RAB15: variants seen among roughly 807,000 people sequenced by gnomAD.
The protein encoded by RAB15 is RAB15, member RAS oncogene family.
Under a neutral mutation model 31.8 loss-of-function variants are expected in RAB15, and 13 were observed. That is an observed-to-expected ratio of 0.41 (90% confidence interval 0.27 to 0.65). RAB15 has a LOEUF of 0.65. RAB15 is among the 30% of genes least tolerant of loss of function. The pLI, the probability that RAB15 is intolerant of heterozygous loss-of-function variation, is 0.32. For missense variants in RAB15, 220 were observed against 277.3 expected (o/e 0.79, Z 1.47); for synonymous variants, 100 against 105.6 (o/e 0.95, Z 0.33).
intron 1 of RAB15, among the ~76,000 whole-genome samples, chr14:64,960,075 G>A (rs1003177651): frequency 9.2e-5 from 14 of 152,176 alleles, no homozygotes; most frequent in African/African-American, 2.9e-4. Context: ...CTGTGACTCT[G>A]TCTGTATGGT....
chr14:64,952,280 C>A lies in RAB15; in HGVS notation c.185+231G>T, dbSNP rs562937669. Among the ~76,000 whole-genome samples, 10 of 152,320 alleles carry A rather than the reference C, an allele frequency of 6.6e-5. No homozygotes were observed. In the South Asian group the frequency reaches 2.1e-3, roughly 32 times the overall value. The stretch of plus-strand genomic sequence containing the variant: ...ATTCACAATGGTTAGTGTGCCAGTT[C>A]CTTCTAATTCCTGCCCTTTGGTGCT... On this transcript the variant is annotated intron_variant, in intron 2 of 6. Transcript: ENST00000533601. This position sits in a 1 kb window ranked among gnomAD's most constrained non-coding sequence, Gnocchi z 4.2.
Position 64,950,792 on chromosome 14 carries a change from T to G in RAB15, c.324+282A>C, listed in dbSNP as rs1290779275. 6.3e-6 allele frequency: 4 copies of G among 635,552 alleles called. No individual in the cohort carries two copies. In the African/African-American group the frequency reaches 7.3e-5, roughly 12 times the overall value. The allele number at this position is 635,552 out of a possible 1,614,324, so 39.4% of individuals were successfully genotyped here. Reference sequence around the variant, plus strand: ...CAGGACTAGATCCCAATCTTGCAACTCCACCTGGTCCCAAGATTTCAGGAA... The same window carrying G: ...CAGGACTAGATCCCAATCTTGCAACGCCACCTGGTCCCAAGATTTCAGGAA... On this transcript the variant is annotated intron_variant, in intron 4 of 6. Coordinates refer to ENST00000533601, the MANE Select transcript of RAB15 (RefSeq NM_001308154.2). The surrounding 1 kb of genome is among the most constrained non-coding windows in gnomAD (Gnocchi z 5.6).
At position 64,954,182 on chromosome 14, in the gene RAB15, T is replaced by C. The variant is rs1487490884; in HGVS notation, c.125-1611A>G. 4.1e-6 allele frequency: 4 copies of C among 985,330 alleles called. No homozygotes were observed. Among genetic ancestry groups the C allele is most frequent in the Non-Finnish European group, 4.8e-6 (4 of 829,952 alleles). 61.0% of individuals were successfully genotyped at this position (985,330 alleles called of 1,614,324 possible). A position where few individuals can be genotyped will look rare whatever the true frequency, so the allele number is the denominator to read the frequency against. ...TGATTCATATCCATTGAGCTGTACT[T>C]TTCCAAATGGGCAATGCCTGGCAGC... On this transcript the variant is annotated intron_variant, in intron 1 of 6. Transcript: ENST00000533601. The surrounding 1 kb of genome is among the most constrained non-coding windows in gnomAD (Gnocchi z 4.3).
At chr14:64,957,252 A>G (rs964405102) in intron 1 of RAB15, among the ~76,000 whole-genome samples, 8 of 152,234 alleles carry the variant, frequency 5.3e-5, no homozygotes, top group Non-Finnish European at 1.0e-4. Flanking sequence ...TCTTAAGTGT[A>G]GAAGGAGAAT....
Position 64,953,787 on chromosome 14 carries a change from C to A in RAB15, c.125-1216G>T. Reference sequence around the variant, plus strand: ...ACGTCTGGTGGGTTAATTAAGCTTACGTCTTTGTGTACTCCCTGGAGCAAG... The same window carrying A: ...ACGTCTGGTGGGTTAATTAAGCTTAAGTCTTTGTGTACTCCCTGGAGCAAG... On this transcript the variant is annotated intron_variant, in intron 1 of 6. Coordinates refer to ENST00000533601, the MANE Select transcript of RAB15 (RefSeq NM_001308154.2). This position sits in a 1 kb window ranked among gnomAD's most constrained non-coding sequence, Gnocchi z 4.6. 1 of 985,248 alleles carries A rather than the reference C, an allele frequency of 1.0e-6. No individual in the cohort carries two copies. Among genetic ancestry groups the A allele is most frequent in the Non-Finnish European group, 1.2e-6 (1 of 829,786 alleles). 61.0% of individuals were successfully genotyped at this position (985,248 alleles called of 1,614,324 possible). A position where few individuals can be genotyped will look rare whatever the true frequency, so the allele number is the denominator to read the frequency against.
Position 64,956,131 on chromosome 14 carries a change from G to A in RAB15, c.125-3560C>T, listed in dbSNP as rs539106815. ...AGAAATGCAAATTCTGGCCGCACGC[G>A]GTGGCTCACACCAGTAATCCCAAGA... On this transcript the variant is annotated intron_variant, in intron 1 of 6. Transcript: ENST00000533601. Among the ~76,000 whole-genome samples the A allele has an allele frequency of 4.6e-4, 70 of 152,188 alleles. 1 individual carries two copies. The highest frequency in any genetic ancestry group is 3.4e-3 in the Middle Eastern group (1 of 294).
At chr14:64,967,516 G>A (rs1038575130) in intron 1 of RAB15, among the ~76,000 whole-genome samples, 7 of 151,878 alleles carry the variant, frequency 4.6e-5, no homozygotes, top group East Asian at 1.9e-4. Context: ...TTAGGAGATC[G>A]AGGCTGCAGT....
chr14:64,950,091 A>G lies in RAB15; in HGVS notation c.414+234T>C, dbSNP rs945287818. Among the ~76,000 whole-genome samples the G allele has an allele frequency of 6.6e-5, 10 of 152,128 alleles. No homozygotes were observed. Among genetic ancestry groups the G allele is most frequent in the African/African-American group, 2.4e-4 (10 of 41,418 alleles). On this transcript the variant is annotated intron_variant, in intron 5 of 6. Transcript: ENST00000533601. The surrounding 1 kb of genome is among the most constrained non-coding windows in gnomAD (Gnocchi z 5.6). ...GCATTTGGGGACCTGGACTTGGGAGAGTTGCTGCCTATGACGTCTTTGTTT... is the reference window on the plus strand; with the variant it reads ...GCATTTGGGGACCTGGACTTGGGAGGGTTGCTGCCTATGACGTCTTTGTTT...
In RAB15 at chr14:64,947,731, CAG is replaced by C. The variant is rs1885994109; in HGVS notation, c.*621_*622del. The C allele has an allele frequency of 6.6e-6, 1 of 152,552 alleles. No homozygotes were observed. Among genetic ancestry groups the C allele is most frequent in the Non-Finnish European group, 1.5e-5 (1 of 68,154 alleles). The allele number at this position is 152,552 out of a possible 1,614,324, so 9.4% of individuals were successfully genotyped here. A position where few individuals can be genotyped will look rare whatever the true frequency, so the allele number is the denominator to read the frequency against. ...AGGCAGGCCCATGGCACATGAGGGA[CAG>C]TGGGGGTGGGGGAAGAGGAAGAAGC... On this transcript the variant is annotated 3_prime_UTR_variant, in exon 7 of 7. Coordinates refer to ENST00000533601, the MANE Select transcript of RAB15 (RefSeq NM_001308154.2). The surrounding 1 kb of genome is among the most constrained non-coding windows in gnomAD (Gnocchi z 5.6).
rs1313254221 is a variant in RAB15 at position 64,971,498 on chromosome 14, GC to G, written c.124+454del. ...CCGTACGTCCTCTCTTCCCCCCCTC[GC>G]CCCCCGCCGGCTCCACCTTGGGTCA... is the stretch of plus-strand genomic sequence containing the variant. On this transcript the variant is annotated intron_variant, in intron 1 of 6. Transcript: ENST00000533601. This position sits in a 1 kb window ranked among gnomAD's most constrained non-coding sequence, Gnocchi z 4.1. Among the ~76,000 whole-genome samples the G allele has an allele frequency of 1.6e-5, 2 of 126,162 alleles. No individual in the cohort carries two copies. Among genetic ancestry groups the G allele is most frequent in the African/African-American group, 3.1e-5 (1 of 32,102 alleles). The allele number at this position is 126,162 out of a possible 152,430, so 82.8% of individuals were successfully genotyped here.
At chr14:64,949,746 A>G (rs1440061461) in intron 5 of RAB15, among the ~76,000 whole-genome samples, 1 of 151,492 alleles carries the variant, frequency 6.6e-6, no homozygotes, top group East Asian at 1.9e-4. Context: ...AAAAGAAAGA[A>G]AGAAAAAAAA....
At position 64,958,001 on chromosome 14, in the gene RAB15, T is replaced by C. The variant is rs1886669638; in HGVS notation, c.125-5430A>G. 6.6e-6 allele frequency: 1 copy of C among 152,368 alleles called. No homozygotes were observed. The highest frequency in any genetic ancestry group is 2.1e-4 in the South Asian group (1 of 4,828). The allele number at this position is 152,368 out of a possible 1,614,324, so 9.4% of individuals were successfully genotyped here. On this transcript the variant is annotated intron_variant, in intron 1 of 6. Transcript: ENST00000533601. The surrounding 1 kb of genome is among the most constrained non-coding windows in gnomAD (Gnocchi z 4.4). ...CTCTGTCGCCCAGGCTGGAGTGCAG[T>C]GGCACGATCTCAGGTCACTGCAACC...
At chr14:64,964,786 G>A (rs544555679) in intron 1 of RAB15, among the ~76,000 whole-genome samples, 48 of 151,898 alleles carry the variant, frequency 3.2e-4, no homozygotes, top group Admixed American at 1.6e-3. Flanking sequence ...TATGTTGGCC[G>A]GGCTGGTCTC....
In RAB15 at chr14:64,958,769, G is replaced by T. The variant is rs1301730785; in HGVS notation, c.125-6198C>A. Among the ~76,000 whole-genome samples, 1 of 152,158 alleles carries T rather than the reference G, an allele frequency of 6.6e-6. No homozygotes were observed. The highest frequency in any genetic ancestry group is 2.4e-5 in the African/African-American group (1 of 41,432). On this transcript the variant is annotated intron_variant, in intron 1 of 6. Transcript: ENST00000533601. The surrounding 1 kb of genome is among the most constrained non-coding windows in gnomAD (Gnocchi z 4.4). ...TCGGAGACGCTGAGAGCCCCAGGAGGAGAAAGTCAGACAGATGGGCCCTCT... is the reference window on the plus strand; with the variant it reads ...TCGGAGACGCTGAGAGCCCCAGGAGTAGAAAGTCAGACAGATGGGCCCTCT...
intron 1 of RAB15, among the ~76,000 whole-genome samples, chr14:64,966,987 T>C (rs1160927985): frequency 6.6e-6 from 1 of 152,112 alleles, no homozygotes; most frequent in African/African-American, 2.4e-5. Context: ...CCAGTGTCTG[T>C]TAGGTCACCC....
Position 64,968,958 on chromosome 14 carries a change from CTCTA to C in RAB15, c.124+2991_124+2994del, listed in dbSNP as rs1402749158. On this transcript the variant is annotated intron_variant, in intron 1 of 6. Coordinates refer to ENST00000533601, the MANE Select transcript of RAB15 (RefSeq NM_001308154.2). The surrounding 1 kb of genome is among the most constrained non-coding windows in gnomAD (Gnocchi z 4.9). ...TCTCACTGCTCCCTGGCGGGTTCTT[CTCTA>C]GAAGATCGCAGGCCGTTAAAGTGGA... Among the ~76,000 whole-genome samples the C allele has an allele frequency of 5.3e-5, 8 of 152,218 alleles. No individual in the cohort carries two copies. Among genetic ancestry groups the C allele is most frequent in the Admixed American group, 3.9e-4 (6 of 15,286 alleles).
intron 1 of RAB15, among the ~76,000 whole-genome samples, chr14:64,960,553 G>T (rs1333360420): frequency 6.6e-6 from 1 of 152,146 alleles, no homozygotes; most frequent in Non-Finnish European, 1.5e-5. Context: ...CTTTGCCTCA[G>T]TTTCCTCACC....
intron 1 of RAB15, among the ~76,000 whole-genome samples, chr14:64,956,431 G>GA (rs1886572413): frequency 2.1e-4 from 32 of 150,274 alleles, no homozygotes; most frequent in African/African-American, 7.3e-4. Context: ...AAAAAGAAAA[G>GA]AAAGGAAAAG....
chr14:64,948,737 C>T lies in RAB15; in HGVS notation c.415-4G>A. On this transcript the variant is annotated splice_region_variant and splice_polypyrimidine_tract_variant and intron_variant, in intron 5 of 6. Transcript: ENST00000533601. This position sits in a 1 kb window ranked among gnomAD's most constrained non-coding sequence, Gnocchi z 7.0. ...CCATGCCATACTCCTTCGCCAGCTG[C>T]AAGAGAAGGACATTTCTGAAAGAGA... The T allele has an allele frequency of 6.2e-7, 1 of 1,612,856 alleles. No individual in the cohort carries two copies. The highest frequency in any genetic ancestry group is 8.5e-7 in the Non-Finnish European group (1 of 1,179,388).
Sources: allele counts gnomAD v4.1 joint callset (sites outside exome capture counted in the v4.1 genomes callset), GRCh38; gene constraint gnomAD v4.1.1; non-coding constraint Gnocchi (gnomAD v3.1); transcripts MANE v1.5; gene names NCBI Gene and HGNC (gene_info 2026-07-23, HGNC 2026-07-21).